The following NLRP5 variants were observed in gnomAD, a reference collection of about 807,000 sequenced individuals.
The protein encoded by NLRP5 is NLR family pyrin domain containing 5, also known as NACHT, LRR and PYD domains-containing protein 5.
A neutral mutation model predicts 113.1 loss-of-function variants in NLRP5; 93 were observed. The ratio of observed to expected loss-of-function variants is 0.82; its 90% CI spans 0.70 to 0.98. The LOEUF (loss-of-function observed/expected upper bound fraction) is 0.98, where lower values mean the gene tolerates loss of function less well. Among genes scored for constraint, NLRP5 ranks in the 50% least tolerant of loss-of-function variants. The probability of loss-of-function intolerance (pLI) is 0.00; values close to 1 mark genes in which losing one functional copy is unlikely to be tolerated. For missense variants in NLRP5, 1,808 were observed against 1,514.3 expected, an observed-to-expected ratio of 1.19 and a Z score of -3.22; for synonymous variants, 751 against 600.7, an observed-to-expected ratio of 1.25 and a Z score of -3.66.
chr19:56,004,759 A>G (rs1390792155), intron 2 of NLRP5, among the ~76,000 whole-genome samples: 1 of 152,056 alleles, frequency 6.6e-6, no homozygotes, highest in Non-Finnish European at 1.5e-5. Flanking sequence ...CTGTAGACTG[A>G]AAACAAATCC....
chr19:56,016,310 C>A (rs141144019), intron 4 of NLRP5, among the ~76,000 whole-genome samples: 15,998 of 151,902 alleles, frequency 0.11, 1,076 homozygotes, highest in African/African-American at 0.17. Context: ...TGCACCACCA[C>A]GCCCAGCTAA....
intron 12 of NLRP5, among the ~76,000 whole-genome samples, chr19:56,052,071 G>A (rs1327271270): frequency 6.6e-6 from 1 of 152,096 alleles, no homozygotes; most frequent in African/African-American, 2.4e-5. Context: ...AGATTAACTG[G>A]ATCTCTCCAT....
Position 56,020,820 on chromosome 19 carries a change from G to C in NLRP5, c.679+389G>C, listed in dbSNP as rs560879085. ...AATATGTACATGAATACCTGCCATT[G>C]AAGAATTGTGCTGGAATTACAGTGG... On this transcript the variant is annotated intron_variant, in intron 6 of 14. Coordinates refer to ENST00000390649, the MANE Select transcript of NLRP5 (RefSeq NM_153447.4). 4.0e-3 allele frequency among the ~76,000 whole-genome samples: 605 copies of C among 150,916 alleles called. 4 individuals carry two copies. Among genetic ancestry groups the C allele is most frequent in the South Asian group, 7.1e-3 (34 of 4,776 alleles).
At chr19:55,998,309 T>C (rs55979553), upstream of NLRP5, among the ~76,000 whole-genome samples, 16,587 of 152,052 alleles carry the variant, frequency 0.11, 1,138 homozygotes, top group East Asian at 0.27. Context: ...TGGTGAGCTA[T>C]GATAGTCACC....
intron 3 of NLRP5, among the ~76,000 whole-genome samples, chr19:56,012,997 T>C (rs1020604796): frequency 1.3e-5 from 2 of 152,278 alleles, no homozygotes; most frequent in East Asian, 3.9e-4. Context: ...CCATCACTGC[T>C]ACCTAATTTC....
chr19:56,061,449 A>T lies in NLRP5; in HGVS notation c.3524A>T (p.Gln1175Leu). The T allele has an allele frequency of 6.2e-7, 1 of 1,614,008 alleles. No individual in the cohort carries two copies. Among genetic ancestry groups the T allele is most frequent in the Non-Finnish European group, 8.5e-7 (1 of 1,179,866 alleles). Residue 1175 changes from glutamine (Q) to leucine (L), a missense_variant, in exon 15 of 15, where the codon CAG (glutamine) becomes CTG (leucine). By Grantham distance (113) the Gln-to-Leu change is moderately radical. Coordinates refer to ENST00000390649, the MANE Select transcript of NLRP5 (RefSeq NM_153447.4). ...ATAAGGAAGCTGCTGGAGGAAGTGC[A>T]GCTACTCAAGCCCCGAGTCGTAATT...
rs770624516 is a variant in NLRP5 at position 56,030,714 on chromosome 19, C to CTTTTTTTTTTTTTTTTTTTTTTT, written c.2277-1879_2277-1878insTTTTTTTTTTTTTTTTTTTTTTT. On this transcript the variant is annotated intron_variant, in intron 7 of 14. Transcript: ENST00000390649. ...ACTTACATTCATTCGCTTTCTTCTTCTTTTTTTTTTTTTTTTTTGAGACGG... is the reference window on the plus strand; with the variant it reads ...ACTTACATTCATTCGCTTTCTTCTTCTTTTTTTTTTTTTTTTTTTTTTTTTTTTTTTTTTTTTTTTTGAGACGG... Among the ~76,000 whole-genome samples the CTTTTTTTTTTTTTTTTTTTTTTT allele has an allele frequency of 3.2e-3, 230 of 71,322 alleles. 50 individuals are homozygous for CTTTTTTTTTTTTTTTTTTTTTTT. Among genetic ancestry groups the CTTTTTTTTTTTTTTTTTTTTTTT allele is most frequent in the African/African-American group, 7.3e-3 (102 of 13,964 alleles). The allele number at this position is 71,322 out of a possible 152,430, so 46.8% of individuals were successfully genotyped here.
intron 2 of NLRP5, among the ~76,000 whole-genome samples, chr19:56,005,647 C>CGCGCGT (rs1555763948): frequency 1.3e-5 from 2 of 150,544 alleles, no homozygotes; most frequent in South Asian, 2.1e-4. Flanking sequence ...CACACACGCG[C>CGCGCGT]GCAGGTGGCA....
chr19:55,999,914 A>G, intron 1 of NLRP5: 2 of 736,150 alleles, frequency 2.7e-6, no homozygotes, highest in Non-Finnish European at 2.4e-6. Flanking sequence ...TTGCAGCAGA[A>G]CACTCCCCGG....
chr19:56,015,936 C>A, intron 4 of NLRP5, 138 bp downstream of exon 4: 2 of 569,812 alleles, frequency 3.5e-6, no homozygotes, highest in East Asian at 2.9e-5. Context: ...AGTCCCTCTT[C>A]CCTAAGAGAT....
chr19:55,996,338 A>AT (rs896730947), upstream of NLRP5, among the ~76,000 whole-genome samples: 3 of 151,350 alleles, frequency 2.0e-5, no homozygotes, highest in Admixed American at 1.3e-4. Flanking sequence ...GGGATGTTGA[A>AT]TTTTTTTTTC....
Position 56,061,411 on chromosome 19 carries a change from G to A in NLRP5, c.3486G>A (p.Gln1162=), listed in dbSNP as rs770242431. ...GCCTCCCCAGGCTGTGGAAATGGCA[G>A]TACCCTGTGCAAATAAGGAAGCTGC... is the stretch of plus-strand genomic sequence containing the variant. Residue 1162 remains glutamine, a synonymous_variant, in exon 15 of 15, where the codon CAG becomes CAA. Transcript: ENST00000390649. 2 of 1,613,974 alleles carry A rather than the reference G, an allele frequency of 1.2e-6. No individual in the cohort carries two copies. Among genetic ancestry groups the A allele is most frequent in the African/African-American group, 1.3e-5 (1 of 75,050 alleles).
At chr19:56,025,377 C>T (rs1026300133) in intron 6 of NLRP5, among the ~76,000 whole-genome samples, 60 of 137,770 alleles carry the variant, frequency 4.4e-4, no homozygotes, top group Admixed American at 1.4e-3. Context: ...CCTCAAGGAA[C>T]GTGCTCCGTT....
intron 1 of NLRP5, among the ~76,000 whole-genome samples, chr19:56,000,453 C>T (rs1459962095): frequency 6.6e-6 from 1 of 152,032 alleles, no homozygotes; most frequent in Non-Finnish European, 1.5e-5. Context: ...CAAGCTCCGA[C>T]TCCCGGGTTC....
In NLRP5 at chr19:56,027,278, G is replaced by T; in HGVS notation, c.1045G>T (p.Glu349Ter). The change falls in exon 7 of 15, where the codon GAG becomes TAG. Residue 349 changes from glutamate (E) to a stop codon, truncating the protein, a stop_gained. Coordinates refer to ENST00000390649, the MANE Select transcript of NLRP5 (RefSeq NM_153447.4). LOFTEE classifies it high-confidence loss of function. ...GCCAGACTCCCAGGCTCCGGTGACGGAGATCATGTCCCGACCAGAAAGGCT... is the reference window on the plus strand; with the variant it reads ...GCCAGACTCCCAGGCTCCGGTGACGTAGATCATGTCCCGACCAGAAAGGCT... 6.2e-7 allele frequency: 1 copy of T among 1,612,142 alleles called. No homozygotes were observed.
At position 56,027,533 on chromosome 19, in the gene NLRP5, G is replaced by A. The variant is rs749462086; in HGVS notation, c.1300G>A (p.Gly434Arg). ...TTACCTGTTAGTTAGAGGAATCTCC[G>A]GGGAACAAAGAATCCACTTGCTCCT... is the stretch of plus-strand genomic sequence containing the variant. The change falls in exon 7 of 15, where the codon GGG (glycine) becomes AGG (arginine). Residue 434 changes from glycine (G) to arginine (R), a missense_variant. Coordinates refer to ENST00000390649, the MANE Select transcript of NLRP5 (RefSeq NM_153447.4). 1.2e-5 allele frequency: 20 copies of A among 1,613,836 alleles called. No individual in the cohort carries two copies. Among genetic ancestry groups the A allele is most frequent in the South Asian group, 3.3e-5 (3 of 91,072 alleles).
Position 56,028,085 on chromosome 19 carries a change from TCCATGGAG to T in NLRP5, c.1854_1861del (p.Met619Ter). 1 of 1,613,964 alleles carries T rather than the reference TCCATGGAG, an allele frequency of 6.2e-7. No homozygotes were observed. Among genetic ancestry groups the T allele is most frequent in the African/African-American group, 1.3e-5 (1 of 75,028 alleles). On this transcript the variant is annotated frameshift_variant, in exon 7 of 15. Transcript: ENST00000390649. LOFTEE classifies it high-confidence loss of function. ...TCTGTACGTTGAGAAGACAAAGAGG[TCCATGGAG>T]CTTAAACAGGCAGGCTTCCATATCC...
chr19:56,004,136 G>A (rs1224834652), intron 2 of NLRP5, 41 bp downstream of exon 2: 2 of 1,548,466 alleles, frequency 1.3e-6, no homozygotes, highest in Admixed American at 2.0e-5. Context: ...GGGAGGGGAG[G>A]TGATTTCAGG....
At chr19:55,998,688 A>ATATATATGTGTGTGTGTGTGTG (rs1568478179), upstream of NLRP5, among the ~76,000 whole-genome samples, 2,313 of 49,326 alleles carry the variant, frequency 0.047, 26 homozygotes, top group Non-Finnish European at 0.058. Flanking sequence ...ATATATATAT[A>ATATATATGTGTGTGTGTGTGTG]TATATATATA....
Sources: gnomAD v4.1 joint callset for allele counts (sites outside exome capture counted in the v4.1 genomes callset) on GRCh38, gnomAD v4.1.1 for gene constraint, MANE v1.5 for transcripts, NCBI Gene and HGNC (gene_info 2026-07-23, HGNC 2026-07-21) for gene names.